Variants in PI4KA observed in about 807,000 individuals in gnomAD.
The protein encoded by PI4KA is phosphatidylinositol 4-kinase alpha, also known as PI4-kinase alpha.
PI4KA carries 122 observed loss-of-function variants against 271.4 expected under a neutral mutation model. That is an observed-to-expected ratio of 0.45 (90% CI 0.39 to 0.52). The LOEUF is 0.52. Ranked by LOEUF, PI4KA falls within the 20% of genes least tolerant of loss-of-function variation. The probability of loss-of-function intolerance (pLI) is 0.00; values close to 1 mark genes in which losing one functional copy is unlikely to be tolerated. For missense variants in PI4KA, 1,969 were observed against 2,769.1 expected, an observed-to-expected ratio of 0.71 and a Z score of 6.48; for synonymous variants, 1,041 against 1,078.8, an observed-to-expected ratio of 0.96 and a Z score of 0.69.
intron 2 of PI4KA, among the ~76,000 whole-genome samples, chr22:20,835,126 C>T (rs1924691035): frequency 6.6e-6 from 1 of 151,952 alleles, no homozygotes; most frequent in African/African-American, 2.4e-5. Flanking sequence ...TGTCCATTTT[C>T]CTTGTGTTTT....
At chr22:20,732,180 AT>A (rs1229777074) in intron 36 of PI4KA, among the ~76,000 whole-genome samples, 1 of 151,762 alleles carries the variant, frequency 6.6e-6, no homozygotes, top group Non-Finnish European at 1.5e-5. Context: ...TCTCAAAAAA[AT>A]AAAATTAAAT....
chr22:20,778,884 C>T lies in PI4KA; in HGVS notation c.2329-13191G>A, dbSNP rs530142859. On this transcript the variant is annotated intron_variant, in intron 19 of 54. Coordinates refer to ENST00000255882, the MANE Select transcript of PI4KA (RefSeq NM_058004.4). ...TATTTTGAGAGCCTTCGCTTTACTG[C>T]ACGTCTGTCCCATCTGTCCCCTGAC... 6.3e-4 allele frequency among the ~76,000 whole-genome samples: 96 copies of T among 152,284 alleles called. 1 individual carries two copies. The highest frequency in any genetic ancestry group is 2.1e-3 in the African/African-American group (88 of 41,562).
At chr22:20,784,364 C>T (rs1223290543) in intron 19 of PI4KA, 2 of 1,305,980 alleles carry the variant, frequency 1.5e-6, no homozygotes, top group Non-Finnish European at 2.2e-6. Flanking sequence ...CCAAGAACTT[C>T]CATACAGGGC....
intron 42 of PI4KA, chr22:20,726,211 A>C: frequency 2.8e-6 from 1 of 362,384 alleles, no homozygotes; most frequent in Non-Finnish European, 4.9e-6. Context: ...CACCGATGAG[A>C]GGGAAGCCTG....
intron 1 of PI4KA, among the ~76,000 whole-genome samples, chr22:20,839,546 G>C (rs1569090740): frequency 6.6e-6 from 1 of 152,108 alleles, no homozygotes; most frequent in Non-Finnish European, 1.5e-5. Context: ...AAAATCAAAT[G>C]CATGGCCAGG....
chr22:20,834,335 T>C (rs1924590325), intron 3 of PI4KA, among the ~76,000 whole-genome samples: 1 of 152,156 alleles, frequency 6.6e-6, no homozygotes, highest in Middle Eastern at 3.2e-3. Context: ...CTCAGAAGAA[T>C]GCAATGGAAA....
chr22:20,804,632 CCT>C, intron 11 of PI4KA, among the ~76,000 whole-genome samples: 2 of 152,296 alleles, frequency 1.3e-5, no homozygotes, highest in Admixed American at 1.3e-4. Context: ...CCATTCTACT[CCT>C]CCCCCAGAAA....
chr22:20,836,167 C>CT (rs1924845293), intron 2 of PI4KA, among the ~76,000 whole-genome samples: 1 of 152,182 alleles, frequency 6.6e-6, no homozygotes, highest in South Asian at 2.1e-4. Context: ...AACCTAGACA[C>CT]TATGCTGTGA....
At chr22:20,750,669 G>A (rs569419443) in intron 27 of PI4KA, among the ~76,000 whole-genome samples, 20 of 152,326 alleles carry the variant, frequency 1.3e-4, no homozygotes, top group African/African-American at 4.3e-4. Context: ...AATCCTCTTC[G>A]GTGCCACACC....
chr22:20,824,155 A>C (rs943024845), intron 4 of PI4KA, among the ~76,000 whole-genome samples, 171 bp downstream of exon 4: 1 of 152,120 alleles, frequency 6.6e-6, no homozygotes, highest in Admixed American at 6.6e-5. Context: ...TCGAGATCCT[A>C]AAGAGTAGTG....
chr22:20,777,378 G>T (rs1933388130), intron 19 of PI4KA, among the ~76,000 whole-genome samples: 1 of 151,982 alleles, frequency 6.6e-6, no homozygotes, highest in South Asian at 2.1e-4. Flanking sequence ...CACCACGCCG[G>T]CTAATTTTTT....
intron 23 of PI4KA, among the ~76,000 whole-genome samples, chr22:20,755,937 T>G (rs1373467462): frequency 6.6e-6 from 1 of 152,236 alleles, no homozygotes; most frequent in Non-Finnish European, 1.5e-5. Context: ...GTTTTTAATT[T>G]GCATGACTAC....
At chr22:20,717,618 T>C in intron 45 of PI4KA, 90 bp downstream of exon 45, 1 of 1,174,046 alleles carries the variant, frequency 8.5e-7, no homozygotes, top group Non-Finnish European at 1.2e-6. Context: ...GTCCACATCC[T>C]GCAGTGCCTG....
At chr22:20,797,950 T>C (rs1017792211) in intron 17 of PI4KA, among the ~76,000 whole-genome samples, 1 of 152,140 alleles carries the variant, frequency 6.6e-6, no homozygotes, top group Non-Finnish European at 1.5e-5. Context: ...GATGAACATG[T>C]CCCTGTCCTC....
intron 30 of PI4KA, 36 bp downstream of exon 30, chr22:20,744,592 G>A (rs777727274): frequency 1.4e-5 from 21 of 1,513,840 alleles, no homozygotes; most frequent in African/African-American, 2.7e-5. Flanking sequence ...AAGAGGACAC[G>A]TTAAAGGCCC....
Position 20,729,641 on chromosome 22 carries a change from C to G in PI4KA, c.4479G>C (p.Leu1493=). The G allele has an allele frequency of 6.4e-7, 1 of 1,570,382 alleles. No homozygotes were observed. Among genetic ancestry groups the G allele is most frequent in the Non-Finnish European group, 8.6e-7 (1 of 1,156,308 alleles). ...CACCTGTGGGCCTTACCAGCAGGGA[C>G]AGCAGCAGCGTCCTGCGCTTCATGT... ...KYYMKRRTLL[L]SLLATEIERL... Residue 1493 remains leucine, a synonymous_variant, in exon 38 of 55, where the codon CTG becomes CTC. Coordinates refer to ENST00000255882, the MANE Select transcript of PI4KA (RefSeq NM_058004.4).
rs1380167310 is a variant in PI4KA, at chr22:20,717,700, C to T, written c.5317+8G>A. On this transcript the variant is annotated splice_region_variant and intron_variant, in intron 45 of 54. Transcript: ENST00000255882. ...GTTGGTCTGAGCCTCCAGAAGCCAC[C>T]TGCTCACCCGGCTGCACCTTCACTT... 1 of 1,570,120 alleles carries T rather than the reference C, an allele frequency of 6.4e-7. No homozygotes were observed. The highest frequency in any genetic ancestry group is 8.7e-7 in the Non-Finnish European group (1 of 1,156,010).
intron 19 of PI4KA, among the ~76,000 whole-genome samples, chr22:20,778,834 G>A (rs1007249709): frequency 1.5e-4 from 23 of 152,028 alleles, no homozygotes; most frequent in African/African-American, 4.1e-4. Context: ...ACCCCTTTCC[G>A]TACCCCCATG....
intron 19 of PI4KA, chr22:20,779,537 GGAC>G (rs973936444): frequency 3.0e-5 from 48 of 1,613,918 alleles, no homozygotes; most frequent in Non-Finnish European, 4.0e-5. Flanking sequence ...AGGGGGAGGA[GGAC>G]GACGACTATC....
Sources: gnomAD v4.1 joint callset for allele counts (sites outside exome capture counted in the v4.1 genomes callset) on GRCh38, gnomAD v4.1.1 for gene constraint, MANE v1.5 for transcripts, NCBI Gene and HGNC (gene_info 2026-07-23, HGNC 2026-07-21) for gene names.